SNTG1: variants seen among roughly 807,000 people sequenced by gnomAD.
The protein encoded by SNTG1 is syntrophin gamma 1.
Under a neutral mutation model 74.7 loss-of-function variants are expected in SNTG1, and 39 were observed. The ratio of observed to expected loss-of-function variants is 0.52; its 90% confidence interval spans 0.40 to 0.68. SNTG1 has a LOEUF of 0.68. Among genes scored for constraint, SNTG1 ranks in the 30% least tolerant of loss-of-function variants. The pLI, the probability that SNTG1 is intolerant of heterozygous loss-of-function variation, is 0.00. For missense variants in SNTG1, 685 were observed against 609.5 expected, an observed-to-expected ratio of 1.12 and a Z score of -1.30; for synonymous variants, 254 against 217.1, an observed-to-expected ratio of 1.17 and a Z score of -1.49.
chr8:50,520,443 G>T (rs2094170114), intron 9 of SNTG1, among the ~76,000 whole-genome samples: 1 of 152,086 alleles, frequency 6.6e-6, no homozygotes, highest in Non-Finnish European at 1.5e-5. Context: ...TGACAAAAGG[G>T]CTCAAATTAA....
chr8:50,439,928 T>C (rs2093343042), intron 5 of SNTG1, among the ~76,000 whole-genome samples: 1 of 151,610 alleles, frequency 6.6e-6, no homozygotes. Flanking sequence ...GTTCTTTTCC[T>C]TTTTTTGTTG....
At chr8:50,378,977 A>G (rs2092435965) in intron 2 of SNTG1, among the ~76,000 whole-genome samples, 1 of 152,098 alleles carries the variant, frequency 6.6e-6, no homozygotes, top group African/African-American at 2.4e-5. Flanking sequence ...CCTGCCCTGA[A>G]GGTGGAGCCT....
intron 1 of SNTG1, among the ~76,000 whole-genome samples, chr8:50,152,478 A>T (rs923635377): frequency 3.3e-5 from 5 of 152,088 alleles, no homozygotes; most frequent in Non-Finnish European, 5.9e-5. Flanking sequence ...TTGCTTGTTA[A>T]TTGATGCAGT....
intron 1 of SNTG1, among the ~76,000 whole-genome samples, chr8:49,944,387 G>A (rs374410429): frequency 6.6e-6 from 1 of 151,968 alleles, no homozygotes; most frequent in African/African-American, 2.4e-5. Context: ...TGGAAAAAAA[G>A]ATATTTGCAT....
At chr8:50,725,403 A>G (rs1034453068) in intron 17 of SNTG1, among the ~76,000 whole-genome samples, 2 of 152,178 alleles carry the variant, frequency 1.3e-5, no homozygotes, top group Non-Finnish European at 2.9e-5. Flanking sequence ...ACTAAAGTTG[A>G]GTCTAAAACA....
chr8:50,389,653 T>A (rs1008961712), intron 2 of SNTG1, among the ~76,000 whole-genome samples: 26 of 152,204 alleles, frequency 1.7e-4, no homozygotes, highest in South Asian at 6.2e-4. Flanking sequence ...CCTGAGGAAT[T>A]GACACACTGT....
At chr8:50,407,555 A>G (rs1294670990) in intron 4 of SNTG1, among the ~76,000 whole-genome samples, 1 of 152,208 alleles carries the variant, frequency 6.6e-6, no homozygotes, top group African/African-American at 2.4e-5. Flanking sequence ...CAGGTCTATC[A>G]CATTAGCTGA....
chr8:50,060,865 C>G (rs926735390), intron 1 of SNTG1, among the ~76,000 whole-genome samples: 3 of 151,920 alleles, frequency 2.0e-5, no homozygotes, highest in African/African-American at 7.3e-5. Context: ...TTACATTGAT[C>G]GATTTTTGCA....
intron 2 of SNTG1, among the ~76,000 whole-genome samples, chr8:50,311,547 T>C (rs2090114387): frequency 6.6e-6 from 1 of 152,234 alleles, no homozygotes; most frequent in Non-Finnish European, 1.5e-5. Flanking sequence ...AACGTCTTAT[T>C]CTTAAAATAT....
At chr8:49,958,565 C>T (rs1013208539) in intron 1 of SNTG1, among the ~76,000 whole-genome samples, 8 of 152,088 alleles carry the variant, frequency 5.3e-5, no homozygotes, top group South Asian at 2.1e-4. Context: ...GGACTACAGG[C>T]GCCTGCCACC....
intron 2 of SNTG1, among the ~76,000 whole-genome samples, chr8:50,206,249 A>G (rs2084231195): frequency 6.6e-6 from 1 of 152,080 alleles, no homozygotes. Flanking sequence ...TTTGTTGAGC[A>G]GTGTTTTGTA....
rs532722627 is a variant in SNTG1, at chr8:50,636,728, G to C, written c.850-20181G>C. Among the ~76,000 whole-genome samples, 3 of 152,180 alleles carry C rather than the reference G, an allele frequency of 2.0e-5. No homozygotes were observed. The South Asian group carries it at 6.2e-4, about 32-fold the overall frequency. On this transcript the variant is annotated intron_variant, in intron 13 of 18. Coordinates refer to ENST00000642720, the MANE Select transcript of SNTG1 (RefSeq NM_018967.5). ...TTTCAGCAGCGTGATGTTAAAATCA[G>C]GTACTGTGTTTGCTCACCTGATTTT... is the stretch of plus-strand genomic sequence containing the variant.
At chr8:50,752,857 C>T (rs374668963) in intron 18 of SNTG1, among the ~76,000 whole-genome samples, 9 of 151,972 alleles carry the variant, frequency 5.9e-5, no homozygotes, top group African/African-American at 1.7e-4. Flanking sequence ...CAAGGTGACT[C>T]CTTGTAGCCT....
intron 2 of SNTG1, among the ~76,000 whole-genome samples, chr8:50,315,467 G>A (rs1318804472): frequency 6.7e-6 from 1 of 149,786 alleles, no homozygotes; most frequent in Non-Finnish European, 1.5e-5. Context: ...ATCATATTAT[G>A]CAACATTGTT....
At chr8:50,706,574 A>T (rs2095444071) in intron 16 of SNTG1, among the ~76,000 whole-genome samples, 1 of 152,132 alleles carries the variant, frequency 6.6e-6, no homozygotes, top group Admixed American at 6.5e-5. Context: ...CTGTAAACTG[A>T]TATTCAGTGA....
chr8:50,151,316 G>A (rs1372218795), intron 1 of SNTG1, among the ~76,000 whole-genome samples: 2 of 151,896 alleles, frequency 1.3e-5, no homozygotes, highest in Admixed American at 6.6e-5. Flanking sequence ...TTCTTTATTA[G>A]TCTTGCTAGT....
chr8:50,702,954 G>A (rs1187714331), intron 15 of SNTG1, among the ~76,000 whole-genome samples: 3 of 152,136 alleles, frequency 2.0e-5, no homozygotes, highest in Non-Finnish European at 4.4e-5. Context: ...ATGATACACA[G>A]ATACAGGGCA....
intron 1 of SNTG1, among the ~76,000 whole-genome samples, chr8:50,103,133 C>G (rs1049539878): frequency 2.5e-4 from 38 of 152,176 alleles, no homozygotes; most frequent in Non-Finnish European, 5.1e-4. Flanking sequence ...GGCATTGAAT[C>G]TATAAATTAC....
intron 17 of SNTG1, among the ~76,000 whole-genome samples, chr8:50,743,192 G>A (rs1039131577): frequency 1.3e-5 from 2 of 151,206 alleles, no homozygotes; most frequent in Admixed American, 6.6e-5. Context: ...AGAAGAAGAT[G>A]CTACAAGAAA....
Sources: allele counts gnomAD v4.1 joint callset (sites outside exome capture counted in the v4.1 genomes callset), GRCh38; gene constraint gnomAD v4.1.1; transcripts MANE v1.5; gene names NCBI Gene and HGNC (gene_info 2026-07-23, HGNC 2026-07-21).